The following OAS2 variants were observed in gnomAD, a reference collection of about 807,000 sequenced individuals.
OAS2 encodes the protein 2'-5'-oligoadenylate synthetase 2.
In OAS2, 67 loss-of-function variants were observed where a neutral mutation model predicts 71.3. The ratio of observed to expected loss-of-function variants is 0.94; its 90% CI spans 0.77 to 1.15. The LOEUF is 1.15. OAS2 is among the 50% of genes most tolerant of loss of function. The pLI, the probability that OAS2 is intolerant of heterozygous loss-of-function variation, is 0.00. For synonymous variants in OAS2, 327 were observed against 321.8 expected (o/e 1.02, Z -0.17); for missense variants, 789 against 822.5 (o/e 0.96, Z 0.50).
chr12:112,981,728 GT>G (rs1298522138), intron 1 of OAS2, among the ~76,000 whole-genome samples: 1 of 151,814 alleles, frequency 6.6e-6, no homozygotes, highest in African/African-American at 2.4e-5. Context: ...TTTTAGGATT[GT>G]TTTTTCTATT....
chr12:112,991,102 CT>C (rs1417334714), intron 2 of OAS2, among the ~76,000 whole-genome samples: 1 of 152,244 alleles, frequency 6.6e-6, no homozygotes, highest in Non-Finnish European at 1.5e-5. Context: ...TTCAGCCACT[CT>C]GGCCTTCCCT....
intron 1 of OAS2, among the ~76,000 whole-genome samples, chr12:112,985,495 T>C (rs1337896625): frequency 6.6e-6 from 1 of 152,256 alleles, no homozygotes; most frequent in Non-Finnish European, 1.5e-5. Flanking sequence ...TCAGGAATTC[T>C]CTTTGGTTCT....
At chr12:113,005,633 C>T (rs1470471888) in intron 7 of OAS2, among the ~76,000 whole-genome samples, 1 of 151,292 alleles carries the variant, frequency 6.6e-6, no homozygotes, top group Admixed American at 6.6e-5. Context: ...CTTGGGAGGC[C>T]GAGGCGGGAA....
Position 112,978,723 on chromosome 12 carries a change from A to G in OAS2, c.115A>G (p.Asn39Asp). ...TCAGACACTGATCGACGAGATGGTG[A>G]ACACCATCTGTGACGTCCTGCAGGA... ...ECQTLIDEMVNTICDVLQEPE... is the reference protein window; with the variant it reads ...ECQTLIDEMVDTICDVLQEPE... The change falls in exon 1 of 10, where the codon AAC becomes GAC. Residue 39 changes from asparagine (N) to aspartate (D), a missense_variant. By Grantham distance (23) the Asn-to-Asp change is conservative (BLOSUM62 1). Coordinates refer to ENST00000392583, the MANE Select transcript of OAS2 (RefSeq NM_002535.3). The surrounding 1 kb of genome is among the most constrained non-coding windows in gnomAD (Gnocchi z 4.2). 3.1e-6 allele frequency: 5 copies of G among 1,614,108 alleles called. No homozygotes were observed. The South Asian group carries it at 5.5e-5, about 18-fold the overall frequency.
In OAS2 at chr12:113,005,096, G is replaced by A; in HGVS notation, c.1342G>A (p.Glu448Lys). 1 of 1,614,154 alleles carries A rather than the reference G, an allele frequency of 6.2e-7. No individual in the cohort carries two copies. The highest frequency in any genetic ancestry group is 8.5e-7 in the Non-Finnish European group (1 of 1,180,006). ...GAAAGCCTTTTGGAGGGAGAAGGAG[G>A]AGGAGCTTGAAGTCAGCTTTGAGCC... ...QLKAFWREKE[E>K]ELEVSFEPPK... Residue 448 changes from glutamate (E) to lysine (K), a missense_variant, in exon 7 of 10, where the codon GAG becomes AAG. By Grantham distance (56) the Glu-to-Lys change is moderately conservative. Transcript: ENST00000392583.
intron 2 of OAS2, among the ~76,000 whole-genome samples, chr12:112,989,116 G>C (rs906940594): frequency 1.2e-4 from 19 of 152,186 alleles, no homozygotes; most frequent in African/African-American, 4.6e-4. Flanking sequence ...TGTCATGGGA[G>C]GGACCCAGTG....
At chr12:112,998,623 T>A (rs1402803238) in intron 5 of OAS2, among the ~76,000 whole-genome samples, 1 of 152,220 alleles carries the variant, frequency 6.6e-6, no homozygotes, top group Admixed American at 6.5e-5. Flanking sequence ...AGCCAAGCTC[T>A]CTGCAGGCCC....
intron 2 of OAS2, among the ~76,000 whole-genome samples, chr12:112,990,119 A>G (rs1490302315): frequency 2.0e-5 from 3 of 152,188 alleles, no homozygotes; most frequent in Admixed American, 1.3e-4. Flanking sequence ...TTTTCACTGC[A>G]TTTAGGAAGT....
At position 113,006,401 on chromosome 12, in the gene OAS2, C is replaced by T. The variant is rs1046229687; in HGVS notation, c.1469-12C>T. On this transcript the variant is annotated splice_polypyrimidine_tract_variant and intron_variant, in intron 7 of 9. Coordinates refer to ENST00000392583, the MANE Select transcript of OAS2 (RefSeq NM_002535.3). ...GTATTAAAGCAGGATGTCAATCTCTCCCTCATGCCAGGTCAGCTGAGTTCT... is the reference window on the plus strand; with the variant it reads ...GTATTAAAGCAGGATGTCAATCTCTTCCTCATGCCAGGTCAGCTGAGTTCT... 1 of 1,531,048 alleles carries T rather than the reference C, an allele frequency of 6.5e-7. No homozygotes were observed. The highest frequency in any genetic ancestry group is 8.9e-7 in the Non-Finnish European group (1 of 1,126,808). The allele number at this position is 1,531,048 out of a possible 1,614,324, so 94.8% of individuals were successfully genotyped here.
chr12:113,008,070 A>C, intron 9 of OAS2, 127 bp downstream of exon 9: 1 of 727,700 alleles, frequency 1.4e-6, no homozygotes, highest in Non-Finnish European at 2.4e-6. Context: ...GCTAGCCAAC[A>C]GAACCTGTCA....
intron 5 of OAS2, among the ~76,000 whole-genome samples, chr12:113,001,014 G>A (rs1408359919): frequency 6.6e-6 from 1 of 152,104 alleles, no homozygotes; most frequent in Non-Finnish European, 1.5e-5. Context: ...TCTTACTGCT[G>A]TTTTAAAAAA....
chr12:113,001,425 TGC>T (rs2044287054), intron 5 of OAS2, among the ~76,000 whole-genome samples: 1 of 147,406 alleles, frequency 6.8e-6, no homozygotes, highest in African/African-American at 2.6e-5. Flanking sequence ...TACACATATA[TGC>T]ACATATATAT....
chr12:113,006,866 C>T (rs559171780), intron 8 of OAS2, among the ~76,000 whole-genome samples: 53 of 152,320 alleles, frequency 3.5e-4, no homozygotes, highest in African/African-American at 1.3e-3. Flanking sequence ...GTGACCTTGC[C>T]TACAGAGGGT....
chr12:112,990,529 A>G (rs1006840424), intron 2 of OAS2, among the ~76,000 whole-genome samples: 3 of 152,252 alleles, frequency 2.0e-5, no homozygotes. Flanking sequence ...GTCCCTTATC[A>G]GACCTTAAAG....
Position 113,005,291 on chromosome 12 carries a change from G to C in OAS2, c.1468+69G>C, listed in dbSNP as rs1416932741. On this transcript the variant is annotated intron_variant, in intron 7 of 9. Coordinates refer to ENST00000392583, the MANE Select transcript of OAS2 (RefSeq NM_002535.3). ...AGGTGGAGGGAGAGCCACGTGACTT[G>C]ATTACGGGCTCTGAAAACATGTGCC... 6 of 1,482,372 alleles carry C rather than the reference G, an allele frequency of 4.0e-6. No individual in the cohort carries two copies. In the African/African-American group the frequency reaches 4.2e-5, roughly 10 times the overall value. 91.8% of individuals were successfully genotyped at this position (1,482,372 alleles called of 1,614,324 possible).
chr12:112,985,964 C>A (rs2044130874), intron 1 of OAS2, among the ~76,000 whole-genome samples: 1 of 152,006 alleles, frequency 6.6e-6, no homozygotes, highest in African/African-American at 2.4e-5. Flanking sequence ...AGAGCAAGAC[C>A]CTGTCTCTAA....
Position 113,010,244 on chromosome 12 carries a change from T to C in OAS2, c.*989T>C. 1 of 1,474,980 alleles carries C rather than the reference T, an allele frequency of 6.8e-7. No homozygotes were observed. The highest frequency in any genetic ancestry group is 8.9e-7 in the Non-Finnish European group (1 of 1,121,058). 91.4% of individuals were successfully genotyped at this position (1,474,980 alleles called of 1,614,324 possible). On this transcript the variant is annotated 3_prime_UTR_variant, in exon 10 of 10. Coordinates refer to ENST00000392583, the MANE Select transcript of OAS2 (RefSeq NM_002535.3). ...TATTAAGATATGCATTATAAATAAA[T>C]ACCAAAAAATTGTCTCTGGCAATAG...
At chr12:112,995,165 A>G (rs1036456812) in intron 2 of OAS2, 131 bp from the exon 3 acceptor site, 10 of 731,542 alleles carry the variant, frequency 1.4e-5, no homozygotes, top group Non-Finnish European at 2.2e-5. Flanking sequence ...ATGTAAAGGT[A>G]CCTGTCCTCT....
In OAS2 at chr12:112,997,681, C is replaced by T. The variant is rs1254315471; in HGVS notation, c.789C>T (p.Ile263=). 6.2e-7 allele frequency: 1 copy of T among 1,613,910 alleles called. No individual in the cohort carries two copies. Among genetic ancestry groups the T allele is most frequent in the Non-Finnish European group, 8.5e-7 (1 of 1,179,924 alleles). Residue 263 remains isoleucine (I), a synonymous_variant, in exon 4 of 10, where the codon ATC becomes ATT. Coordinates refer to ENST00000392583, the MANE Select transcript of OAS2 (RefSeq NM_002535.3). ...ELIKCQEKLC[I]YWMVNYNFED... ...TCAAATGCCAGGAGAAGCTGTGTAT[C>T]TATTGGATGGTCAACTACAACTTTG...
Sources: gnomAD v4.1 joint callset for allele counts (sites outside exome capture counted in the v4.1 genomes callset) on GRCh38, gnomAD v4.1.1 for gene constraint, Gnocchi (gnomAD v3.1) non-coding constraint, MANE v1.5 for transcripts, NCBI Gene and HGNC (gene_info 2026-07-23, HGNC 2026-07-21) for gene names.